ACTR3C: variants seen among roughly 807,000 people sequenced by gnomAD.
ACTR3C encodes the protein actin-related protein 3C.
In ACTR3C, 18 loss-of-function variants were observed where a neutral mutation model predicts 26.3. The observed-to-expected ratio is 0.68, with a 90% CI of 0.47 to 1.01. The LOEUF is 1.01. ACTR3C is among the 50% of genes least tolerant of loss of function. The pLI is 0.00. For synonymous variants in ACTR3C, 55 were observed against 94.5 expected (o/e 0.58, Z 2.42); for missense variants, 184 against 250.7 (o/e 0.73, Z 1.80).
chr7:150,310,677 A>G (rs1193645524), intron 1 of ACTR3C, among the ~76,000 whole-genome samples: 1 of 151,848 alleles, frequency 6.6e-6, no homozygotes, highest in Non-Finnish European at 1.5e-5. Flanking sequence ...CCTGACACCC[A>G]CCAGTCCCAG....
chr7:150,017,472 T>C, the ACTR3C span, among the ~76,000 whole-genome samples: 1 of 145,240 alleles, frequency 6.9e-6, no homozygotes, highest in Non-Finnish European at 1.5e-5. Flanking sequence ...TGTGCCATTG[T>C]GCAGTTGTAA....
At chr7:150,255,136 T>C (rs971057597) in intron 6 of ACTR3C, among the ~76,000 whole-genome samples, 20 of 151,804 alleles carry the variant, frequency 1.3e-4, no homozygotes, top group Non-Finnish European at 2.4e-4. Flanking sequence ...CGTAAGAACA[T>C]GTCCTAATTC....
the ACTR3C span, among the ~76,000 whole-genome samples, chr7:150,048,079 C>G: frequency 1.3e-5 from 2 of 152,132 alleles, no homozygotes; most frequent in African/African-American, 4.8e-5. Flanking sequence ...CCCGGCGGCT[C>G]GCGAAGCCGG....
At chr7:149,954,456 A>G in the ACTR3C span, among the ~76,000 whole-genome samples, 2 of 152,198 alleles carry the variant, frequency 1.3e-5, no homozygotes, top group African/African-American at 4.8e-5. Context: ...TTGGGGGGAC[A>G]TATTATAAAC....
the ACTR3C span, among the ~76,000 whole-genome samples, chr7:150,149,267 C>A: frequency 6.6e-6 from 1 of 151,816 alleles, no homozygotes. Flanking sequence ...GTTCTATGGG[C>A]TGAGAATATC....
At chr7:150,213,771 T>G in the ACTR3C span, among the ~76,000 whole-genome samples, 18 of 147,832 alleles carry the variant, frequency 1.2e-4, no homozygotes, top group South Asian at 1.3e-3. Context: ...ATGAAAACCT[T>G]CAGATTTTTC....
chr7:150,299,481 A>C (rs1164879764), intron 1 of ACTR3C, among the ~76,000 whole-genome samples: 28 of 146,492 alleles, frequency 1.9e-4, no homozygotes, highest in South Asian at 4.3e-4. Flanking sequence ...AAAAAAAAAA[A>C]AAAAAAAAAA....
At chr7:150,130,139 T>C in the ACTR3C span, among the ~76,000 whole-genome samples, 85 of 152,240 alleles carry the variant, frequency 5.6e-4, no homozygotes, top group African/African-American at 1.9e-3. Flanking sequence ...GCAAAAATGA[T>C]CCTTGATCTT....
At chr7:150,132,255 T>C in the ACTR3C span, among the ~76,000 whole-genome samples, 263 of 145,108 alleles carry the variant, frequency 1.8e-3, no homozygotes, top group African/African-American at 6.8e-3. Context: ...AGTTTCTCTT[T>C]TGAGGTGATA....
chr7:150,118,931 C>T, the ACTR3C span, among the ~76,000 whole-genome samples: 1 of 115,960 alleles, frequency 8.6e-6, no homozygotes, highest in Non-Finnish European at 1.8e-5. Flanking sequence ...GGCCAATAGT[C>T]AACATTCTTA....
At chr7:149,947,955 G>A in the ACTR3C span, among the ~76,000 whole-genome samples, 5 of 151,758 alleles carry the variant, frequency 3.3e-5, no homozygotes, top group Non-Finnish European at 5.9e-5. Flanking sequence ...TTATACACAC[G>A]TAAGCACACA....
chr7:150,310,486 C>A (rs1796208313), intron 1 of ACTR3C, among the ~76,000 whole-genome samples: 1 of 152,080 alleles, frequency 6.6e-6, no homozygotes, highest in Non-Finnish European at 1.5e-5. Context: ...TAGTTCAAGA[C>A]CTTTGCCTCA....
At chr7:150,041,366 C>G in the ACTR3C span, 2 of 149,776 alleles carry the variant, frequency 1.3e-5, no homozygotes, top group African/African-American at 5.1e-5. Flanking sequence ...TCCCGAGCTG[C>G]GTTCGGACCC....
the ACTR3C span, among the ~76,000 whole-genome samples, chr7:149,909,028 C>T: frequency 6.6e-6 from 1 of 151,672 alleles, no homozygotes; most frequent in African/African-American, 2.4e-5. Context: ...CTGATCCACC[C>T]GCCTCAGCCT....
At chr7:150,037,618 C>T in the ACTR3C span, among the ~76,000 whole-genome samples, 3 of 84,142 alleles carry the variant, frequency 3.6e-5, no homozygotes, top group Non-Finnish European at 7.1e-5. Context: ...ACGTAAGGTA[C>T]CTGCCGTCGG....
At chr7:150,035,392 G>T in the ACTR3C span, among the ~76,000 whole-genome samples, 5 of 52,486 alleles carry the variant, frequency 9.5e-5, 1 homozygote, top group African/African-American at 3.6e-4. Context: ...CGTGCGATGG[G>T]GGTCCTAAGA....
At chr7:150,233,053 T>C in the ACTR3C span, among the ~76,000 whole-genome samples, 2 of 152,278 alleles carry the variant, frequency 1.3e-5, no homozygotes, top group South Asian at 4.1e-4. Context: ...ATTCCTTCTT[T>C]GGCACTCTTC....
chr7:150,164,968 G>C, the ACTR3C span, among the ~76,000 whole-genome samples: 1 of 152,114 alleles, frequency 6.6e-6, no homozygotes, highest in Admixed American at 6.5e-5. Context: ...CCCTCCTGGG[G>C]CCCCCTCTGT....
the ACTR3C span, among the ~76,000 whole-genome samples, chr7:149,973,412 C>G: frequency 6.6e-6 from 1 of 152,218 alleles, no homozygotes; most frequent in Non-Finnish European, 1.5e-5. Context: ...ATACCCCTAA[C>G]AATTTTAAGA....
Sources: allele counts gnomAD v4.1 joint callset (sites outside exome capture counted in the v4.1 genomes callset), GRCh38; gene constraint gnomAD v4.1.1; transcripts MANE v1.5; gene names NCBI Gene and HGNC (gene_info 2026-07-23, HGNC 2026-07-21).